Variants in XPR1 observed in about 807,000 individuals in gnomAD.
The protein encoded by XPR1 is xenotropic and polytropic retrovirus receptor 1.
XPR1 carries 28 observed loss-of-function variants against 87.5 expected under a neutral mutation model. The observed-to-expected ratio is 0.32, with a 90% CI of 0.24 to 0.44. The LOEUF is 0.44. Among genes scored for constraint, XPR1 ranks in the 20% least tolerant of loss-of-function variants. XPR1 has a pLI of 1.00. For missense variants in XPR1, 559 were observed against 862.3 expected, an observed-to-expected ratio of 0.65 and a Z score of 4.41; for synonymous variants, 300 against 306.1, an observed-to-expected ratio of 0.98 and a Z score of 0.21.
At chr1:180,814,186 A>C (rs1456586678) in intron 7 of XPR1, among the ~76,000 whole-genome samples, 1 of 152,208 alleles carries the variant, frequency 6.6e-6, no homozygotes, top group Non-Finnish European at 1.5e-5. Flanking sequence ...TTTAGAGAAC[A>C]TATGAATTTT....
intron 1 of XPR1, among the ~76,000 whole-genome samples, chr1:180,634,673 A>AT (rs1654708705): frequency 6.6e-6 from 1 of 152,020 alleles, no homozygotes; most frequent in Non-Finnish European, 1.5e-5. Flanking sequence ...AAATTTTTGT[A>AT]TTTTACCCTT....
chr1:180,737,806 A>G (rs73034874), intron 2 of XPR1, among the ~76,000 whole-genome samples: 6,526 of 152,154 alleles, frequency 0.043, 502 homozygotes, highest in African/African-American at 0.15. Context: ...TTTGTTGCTG[A>G]GTAGCATTCC....
chr1:180,808,871 C>G (rs554153259), intron 6 of XPR1, among the ~76,000 whole-genome samples: 9 of 152,210 alleles, frequency 5.9e-5, no homozygotes, highest in African/African-American at 2.2e-4. Context: ...CATTTGAAAA[C>G]AGTTTGGAAG....
intron 2 of XPR1, among the ~76,000 whole-genome samples, chr1:180,736,758 GT>G (rs1376546542): frequency 4.6e-5 from 7 of 152,108 alleles, no homozygotes; most frequent in Non-Finnish European, 1.0e-4. Context: ...AATAACTGGG[GT>G]TAGGGTTGGG....
At chr1:180,701,968 C>A (rs1657348314) in intron 2 of XPR1, among the ~76,000 whole-genome samples, 1 of 97,460 alleles carries the variant, frequency 1.0e-5, no homozygotes, top group Non-Finnish European at 1.9e-5. Flanking sequence ...TTATTTCTTG[C>A]CTTCTGCTAG....
intron 13 of XPR1, among the ~76,000 whole-genome samples, chr1:180,875,233 G>T (rs1028944377): frequency 3.3e-5 from 5 of 152,146 alleles, no homozygotes; most frequent in African/African-American, 1.2e-4. Flanking sequence ...TGAGTAGCCA[G>T]GCATGATGGT....
intron 2 of XPR1, among the ~76,000 whole-genome samples, chr1:180,760,067 T>G (rs1647947070): frequency 6.6e-6 from 1 of 152,174 alleles, no homozygotes; most frequent in Non-Finnish European, 1.5e-5. Flanking sequence ...TCAGCAACCC[T>G]TCATGCTAAA....
chr1:180,841,995 G>A (rs1027001113), intron 11 of XPR1, among the ~76,000 whole-genome samples: 1 of 152,082 alleles, frequency 6.6e-6, no homozygotes, highest in African/African-American at 2.4e-5. Context: ...CAAATAAGTG[G>A]AATTTGATTT....
chr1:180,642,006 A>G (rs1316417830), intron 1 of XPR1, among the ~76,000 whole-genome samples: 3 of 152,210 alleles, frequency 2.0e-5, no homozygotes, highest in Admixed American at 6.5e-5. Flanking sequence ...TATCTAATCC[A>G]TTAGATTCCA....
rs1249136364 is a variant in XPR1 at position 180,873,734 on chromosome 1, T to C, written c.1669-69T>C. 7 of 1,550,216 alleles carry C rather than the reference T, an allele frequency of 4.5e-6. No individual in the cohort carries two copies. The South Asian group carries it at 8.4e-5, about 19-fold the overall frequency. On this transcript the variant is annotated intron_variant, in intron 12 of 14. Transcript: ENST00000367590. ...GTGTGAGTCTTGTTTGTAGGACATA[T>C]GCTCATTGGTATGCCTATTTATGAG... is the stretch of plus-strand genomic sequence containing the variant.
At chr1:180,675,382 T>TA (rs1214560817) in intron 1 of XPR1, among the ~76,000 whole-genome samples, 1 of 152,186 alleles carries the variant, frequency 6.6e-6, no homozygotes, top group East Asian at 1.9e-4. Flanking sequence ...AAGGATAACA[T>TA]AGAGTAGCTA....
At chr1:180,782,044 T>C (rs1648963967) in intron 2 of XPR1, among the ~76,000 whole-genome samples, 1 of 152,084 alleles carries the variant, frequency 6.6e-6, no homozygotes, top group African/African-American at 2.4e-5. Context: ...TGTAACTGTG[T>C]GTCTCTATTT....
chr1:180,786,784 G>C (rs1216240222), intron 2 of XPR1, among the ~76,000 whole-genome samples: 1 of 152,158 alleles, frequency 6.6e-6, no homozygotes, highest in Admixed American at 6.5e-5. Context: ...ATGCTTTCCA[G>C]CTTGTCAGAA....
intron 14 of XPR1, among the ~76,000 whole-genome samples, chr1:180,880,873 T>C (rs1448753297): frequency 2.0e-5 from 3 of 152,186 alleles, no homozygotes; most frequent in African/African-American, 7.2e-5. Context: ...CGTATGTTGC[T>C]AAAAGTTACC....
At chr1:180,822,064 G>C (rs902161267) in intron 7 of XPR1, among the ~76,000 whole-genome samples, 2 of 152,078 alleles carry the variant, frequency 1.3e-5, no homozygotes, top group African/African-American at 4.8e-5. Flanking sequence ...CTTTGTACTT[G>C]TTCCCTTGTA....
rs894433777 is a variant in XPR1 at position 180,889,777 on chromosome 1, C to T, written c.*5711C>T. ...AATTGTATTTTTCTGTTCAAACTCT[C>T]TCCTTCTATTTGTGTTTCCTTCACC... On this transcript the variant is annotated 3_prime_UTR_variant, in exon 15 of 15. Transcript: ENST00000367590. 2.0e-5 allele frequency: 3 copies of T among 152,170 alleles called. No individual in the cohort carries two copies. Among genetic ancestry groups the T allele is most frequent in the Non-Finnish European group, 4.4e-5 (3 of 68,048 alleles). The allele number at this position is 152,170 out of a possible 1,614,324, so 9.4% of individuals were successfully genotyped here.
chr1:180,821,463 A>C (rs1027797975), intron 7 of XPR1, among the ~76,000 whole-genome samples: 2 of 152,160 alleles, frequency 1.3e-5, no homozygotes, highest in African/African-American at 4.8e-5. Context: ...CTTTGTAGTA[A>C]GTTTTAAAAT....
At chr1:180,643,668 C>T (rs1487439585) in intron 1 of XPR1, among the ~76,000 whole-genome samples, 2 of 152,092 alleles carry the variant, frequency 1.3e-5, no homozygotes, top group African/African-American at 2.4e-5. Flanking sequence ...AGTCAAACAG[C>T]TAGTTAATGG....
chr1:180,662,555 T>A (rs1655816439), intron 1 of XPR1, among the ~76,000 whole-genome samples: 1 of 152,200 alleles, frequency 6.6e-6, no homozygotes, highest in South Asian at 2.1e-4. Context: ...TATGATCGTT[T>A]CTTTATCCTT....
Sources: allele counts gnomAD v4.1 joint callset (sites outside exome capture counted in the v4.1 genomes callset), GRCh38; gene constraint gnomAD v4.1.1; transcripts MANE v1.5; gene names NCBI Gene and HGNC (gene_info 2026-07-23, HGNC 2026-07-21).